LIN7A: variants seen among roughly 807,000 people sequenced by gnomAD.
LIN7A encodes protein lin-7 homolog A.
LIN7A carries 25 observed loss-of-function variants against 29.8 expected under a neutral mutation model. That is an observed-to-expected ratio of 0.84 (90% CI 0.61 to 1.17). The LOEUF (loss-of-function observed/expected upper bound fraction) is 1.17. LIN7A is among the 50% of genes most tolerant of loss of function. The pLI, the probability that LIN7A is intolerant of heterozygous loss-of-function variation, is 0.00. For synonymous variants in LIN7A, 118 were observed against 107.5 expected, an observed-to-expected ratio of 1.10 and a Z score of -0.60; for missense variants, 239 against 287.0, an observed-to-expected ratio of 0.83 and a Z score of 1.21.
intron 2 of LIN7A, among the ~76,000 whole-genome samples, chr12:80,887,784 T>C (rs531160014): frequency 6.6e-6 from 1 of 152,206 alleles, no homozygotes; most frequent in East Asian, 1.9e-4. Flanking sequence ...ATAAGCCACA[T>C]ACTCAATGAG....
At chr12:80,880,400 A>T (rs1874963716) in intron 2 of LIN7A, among the ~76,000 whole-genome samples, 1 of 152,234 alleles carries the variant, frequency 6.6e-6, no homozygotes, top group Non-Finnish European at 1.5e-5. Flanking sequence ...AAGTGCATTA[A>T]CACTTATTCA....
In LIN7A at chr12:80,937,763, G is replaced by A. The variant is rs773292477; in HGVS notation, c.-41C>T. ...GTGAGAAAAAAAGGAGGAGATTGGG[G>A]GCGGGGGTGGAGAGGGAAGACGGAA... On this transcript the variant is annotated 5_prime_UTR_variant, in exon 1 of 6. Transcript: ENST00000552864. The A allele has an allele frequency of 3.9e-6, 5 of 1,290,702 alleles. No individual in the cohort carries two copies. The South Asian group carries it at 6.6e-5, about 17-fold the overall frequency. The allele number at this position is 1,290,702 out of a possible 1,614,324, so 80.0% of individuals were successfully genotyped here. A position where few individuals can be genotyped will look rare whatever the true frequency, so the allele number is the denominator to read the frequency against.
At chr12:80,812,987 A>G (rs920277746) in intron 4 of LIN7A, among the ~76,000 whole-genome samples, 3 of 152,230 alleles carry the variant, frequency 2.0e-5, no homozygotes, top group Non-Finnish European at 4.4e-5. Flanking sequence ...TCAAAGAAGT[A>G]TAGACCGACA....
chr12:80,825,398 A>G (rs920908412), intron 4 of LIN7A, among the ~76,000 whole-genome samples: 3 of 152,252 alleles, frequency 2.0e-5, no homozygotes, highest in Non-Finnish European at 4.4e-5. Context: ...AAACTAGCTT[A>G]GAAAGAGTAC....
intron 1 of LIN7A, among the ~76,000 whole-genome samples, chr12:80,912,256 T>C (rs1876786453): frequency 6.6e-6 from 1 of 151,486 alleles, no homozygotes; most frequent in African/African-American, 2.4e-5. Context: ...ATTGTTTACC[T>C]GAAAATCATT....
At chr12:80,909,355 C>T (rs1380907904) in intron 1 of LIN7A, among the ~76,000 whole-genome samples, 1 of 152,172 alleles carries the variant, frequency 6.6e-6, no homozygotes, top group African/African-American at 2.4e-5. Context: ...CACACTATAT[C>T]TTAATTACTG....
At chr12:80,859,049 G>A (rs1873739706) in intron 2 of LIN7A, among the ~76,000 whole-genome samples, 2 of 152,096 alleles carry the variant, frequency 1.3e-5, no homozygotes, top group Non-Finnish European at 2.9e-5. Flanking sequence ...CTAATAATAA[G>A]GTTGCCAGAT....
intron 4 of LIN7A, among the ~76,000 whole-genome samples, chr12:80,824,407 A>G (rs1000710477): frequency 1.3e-5 from 2 of 152,316 alleles, no homozygotes; most frequent in Middle Eastern, 3.4e-3. Context: ...GTCCAGGACC[A>G]GATGGATTCA....
At position 80,909,735 on chromosome 12, in the gene LIN7A, C is replaced by T. The variant is rs563746526; in HGVS notation, c.83-20366G>A. ...CCTTGGAAGTTATTATTTCAACATACGAATTTTGAGTGAACACAAATATTT... is the reference window on the plus strand; with the variant it reads ...CCTTGGAAGTTATTATTTCAACATATGAATTTTGAGTGAACACAAATATTT... On this transcript the variant is annotated intron_variant, in intron 1 of 5. Transcript: ENST00000552864. Among the ~76,000 whole-genome samples the T allele has an allele frequency of 3.3e-5, 5 of 152,012 alleles. No homozygotes were observed. The East Asian group carries it at 5.8e-4, about 18-fold the overall frequency.
At chr12:80,898,317 C>T (rs951621603) in intron 1 of LIN7A, among the ~76,000 whole-genome samples, 2 of 152,084 alleles carry the variant, frequency 1.3e-5, no homozygotes, top group Non-Finnish European at 1.5e-5. Context: ...CTATTCTGTT[C>T]TATTGGTCTC....
intron 1 of LIN7A, among the ~76,000 whole-genome samples, chr12:80,919,695 G>A (rs1402348): frequency 0.4 from 60,353 of 152,030 alleles, 14,614 homozygotes; most frequent in African/African-American, 0.68. Flanking sequence ...TATGTATATT[G>A]TTATAGATTT....
chr12:80,896,415 TACA>T (rs1204459361), intron 1 of LIN7A, among the ~76,000 whole-genome samples: 2 of 152,216 alleles, frequency 1.3e-5, no homozygotes, highest in African/African-American at 2.4e-5. Flanking sequence ...AAAAATCTAA[TACA>T]ACGACAGTGC....
At chr12:80,934,429 A>G (rs974646539) in intron 1 of LIN7A, among the ~76,000 whole-genome samples, 1 of 152,238 alleles carries the variant, frequency 6.6e-6, no homozygotes, top group Non-Finnish European at 1.5e-5. Context: ...GCACAGGGCC[A>G]TGAAAATCTG....
In LIN7A at chr12:80,927,155, C is replaced by CTTTTTTTTTTTT. The variant is rs929026269; in HGVS notation, c.82+10474_82+10485dup. Among the ~76,000 whole-genome samples the CTTTTTTTTTTTT allele has an allele frequency of 5.8e-3, 435 of 75,572 alleles. 3 individuals are homozygous for CTTTTTTTTTTTT. Among genetic ancestry groups the CTTTTTTTTTTTT allele is most frequent in the East Asian group, 0.011 (23 of 2,114 alleles). The allele number at this position is 75,572 out of a possible 152,430, so 49.6% of individuals were successfully genotyped here. Reference sequence around the variant, plus strand: ...CAGTAAACTATTTTCTTTTCTTTTTCTTTTTTTTTTTTTTTTTTTTTTTTG... The same window carrying CTTTTTTTTTTTT: ...CAGTAAACTATTTTCTTTTCTTTTTCTTTTTTTTTTTTTTTTTTTTTTTTTTTTTTTTTTTTG... On this transcript the variant is annotated intron_variant, in intron 1 of 5. Transcript: ENST00000552864.
chr12:80,822,203 T>C (rs1242857747), intron 4 of LIN7A, among the ~76,000 whole-genome samples: 1 of 152,146 alleles, frequency 6.6e-6, no homozygotes, highest in Non-Finnish European at 1.5e-5. Context: ...GAGAGCCAAG[T>C]GAAATGGGAA....
chr12:80,920,420 C>T (rs1164086658), intron 1 of LIN7A, among the ~76,000 whole-genome samples: 1 of 151,924 alleles, frequency 6.6e-6, no homozygotes, highest in Non-Finnish European at 1.5e-5. Flanking sequence ...AACAATAGCA[C>T]CAAAGATGGA....
chr12:80,936,441 T>C (rs571666592), intron 1 of LIN7A: 1 of 152,356 alleles, frequency 6.6e-6, no homozygotes, highest in Non-Finnish European at 1.5e-5. Flanking sequence ...AGGATGTTCT[T>C]TTGCCTTGCC....
chr12:80,854,998 A>G (rs1384963436), intron 2 of LIN7A, among the ~76,000 whole-genome samples: 1 of 152,182 alleles, frequency 6.6e-6, no homozygotes, highest in Non-Finnish European at 1.5e-5. Flanking sequence ...TTAATGGATA[A>G]GAACATCTCT....
intron 4 of LIN7A, among the ~76,000 whole-genome samples, chr12:80,818,436 G>T (rs1175247860): frequency 6.6e-6 from 1 of 152,172 alleles, no homozygotes; most frequent in Non-Finnish European, 1.5e-5. Context: ...TAATGAAAAG[G>T]TTAAGAAATG....
Sources: allele counts gnomAD v4.1 joint callset (sites outside exome capture counted in the v4.1 genomes callset), GRCh38; gene constraint gnomAD v4.1.1; transcripts MANE v1.5; gene names NCBI Gene and HGNC (gene_info 2026-07-23, HGNC 2026-07-21).